The following SPAG16 variants were observed in gnomAD, a reference collection of about 807,000 sequenced individuals.
The protein encoded by SPAG16 is sperm associated antigen 16.
Under a neutral mutation model 80.4 loss-of-function variants are expected in SPAG16, and 86 were observed. That is an observed-to-expected ratio of 1.07 (90% CI 0.90 to 1.28). The LOEUF is 1.28. Ranked by LOEUF, SPAG16 falls within the 50% of genes most tolerant of loss-of-function variation. The pLI, the probability that SPAG16 is intolerant of heterozygous loss-of-function variation, is 0.00. For missense variants in SPAG16, 870 were observed against 765.3 expected (o/e 1.14, Z -1.61); for synonymous variants, 294 against 265.9 (o/e 1.11, Z -1.03).
At chr2:214,143,950 A>G (rs1300360298) in intron 14 of SPAG16, among the ~76,000 whole-genome samples, 2 of 152,050 alleles carry the variant, frequency 1.3e-5, no homozygotes, top group African/African-American at 4.8e-5. Context: ...ATGAGGCCAC[A>G]GGTTTGAGAC....
chr2:213,505,026 C>T (rs527578229), intron 10 of SPAG16, among the ~76,000 whole-genome samples: 3 of 152,224 alleles, frequency 2.0e-5, no homozygotes, highest in South Asian at 2.1e-4. Context: ...TATTTTGGTT[C>T]GAGGAAGAGC....
chr2:213,526,137 A>G (rs1273820639), intron 10 of SPAG16, among the ~76,000 whole-genome samples: 1 of 152,110 alleles, frequency 6.6e-6, no homozygotes, highest in Non-Finnish European at 1.5e-5. Context: ...TATTGCTTAA[A>G]TCATCACACA....
chr2:214,198,334 G>A (rs756234290), intron 15 of SPAG16, among the ~76,000 whole-genome samples: 6 of 152,130 alleles, frequency 3.9e-5, no homozygotes, highest in Middle Eastern at 3.4e-3. Context: ...TCACTTACAA[G>A]TGAGATTATA....
intron 13 of SPAG16, among the ~76,000 whole-genome samples, chr2:214,106,879 A>G (rs1576223045): frequency 6.6e-6 from 1 of 152,138 alleles, no homozygotes. Context: ...CATTTGCTCT[A>G]GTTTTTCTTC....
At chr2:214,155,304 TG>T (rs1179226204) in intron 15 of SPAG16, among the ~76,000 whole-genome samples, 1 of 152,166 alleles carries the variant, frequency 6.6e-6, no homozygotes, top group Admixed American at 6.6e-5. Flanking sequence ...CCAACAAGAA[TG>T]GGAAAACCTT....
chr2:213,939,664 T>A (rs2079121356), intron 12 of SPAG16, among the ~76,000 whole-genome samples: 1 of 152,186 alleles, frequency 6.6e-6, no homozygotes. Flanking sequence ...GGTTTTCACA[T>A]GAAAAGAAAA....
At chr2:213,580,441 C>T (rs1056231536) in intron 10 of SPAG16, among the ~76,000 whole-genome samples, 12 of 152,002 alleles carry the variant, frequency 7.9e-5, no homozygotes, top group African/African-American at 2.4e-4. Flanking sequence ...TACCTATGAG[C>T]AAATAAAAGA....
At chr2:213,766,521 G>C (rs958137286) in intron 10 of SPAG16, among the ~76,000 whole-genome samples, 2 of 152,182 alleles carry the variant, frequency 1.3e-5, no homozygotes, top group South Asian at 4.1e-4. Context: ...GCCACAAGTC[G>C]AAAATGAAAG....
At chr2:213,497,323 G>A (rs996246817) in intron 10 of SPAG16, among the ~76,000 whole-genome samples, 6 of 151,794 alleles carry the variant, frequency 4.0e-5, no homozygotes, top group Non-Finnish European at 5.9e-5. Context: ...TTCAATTTTC[G>A]ATTTATTTCA....
At chr2:213,396,425 A>G (rs1274189329) in intron 9 of SPAG16, among the ~76,000 whole-genome samples, 1 of 152,222 alleles carries the variant, frequency 6.6e-6, no homozygotes, top group Non-Finnish European at 1.5e-5. Context: ...TTTGTTAAAT[A>G]TAATTCTAAG....
intron 9 of SPAG16, among the ~76,000 whole-genome samples, chr2:213,435,223 A>G (rs2070553070): frequency 6.6e-6 from 1 of 152,206 alleles, no homozygotes; most frequent in South Asian, 2.1e-4. Flanking sequence ...CATTAAAAGG[A>G]TATGATGTCA....
chr2:213,516,332 A>C (rs1210413484), intron 10 of SPAG16, among the ~76,000 whole-genome samples: 1 of 152,172 alleles, frequency 6.6e-6, no homozygotes, highest in South Asian at 2.1e-4. Flanking sequence ...TCCCTTCAAT[A>C]AGTGCCCATA....
At chr2:213,907,191 C>G (rs1488797333) in intron 11 of SPAG16, among the ~76,000 whole-genome samples, 1 of 152,028 alleles carries the variant, frequency 6.6e-6, no homozygotes, top group Non-Finnish European at 1.5e-5. Flanking sequence ...ACAAAACCTA[C>G]AAGCAATCCC....
intron 14 of SPAG16, among the ~76,000 whole-genome samples, chr2:214,130,736 T>A (rs2054725012): frequency 6.6e-6 from 1 of 152,162 alleles, no homozygotes; most frequent in African/African-American, 2.4e-5. Flanking sequence ...CATACATGAA[T>A]ATCTGAAATA....
intron 10 of SPAG16, among the ~76,000 whole-genome samples, chr2:213,639,095 C>A (rs2062486161): frequency 6.6e-6 from 1 of 152,184 alleles, no homozygotes; most frequent in Non-Finnish European, 1.5e-5. Flanking sequence ...CATACAATAT[C>A]TTTCTTCCAT....
At chr2:213,401,883 A>G (rs996032072) in intron 9 of SPAG16, among the ~76,000 whole-genome samples, 2 of 152,224 alleles carry the variant, frequency 1.3e-5, no homozygotes, top group Non-Finnish European at 2.9e-5. Flanking sequence ...TTTGCTCTGA[A>G]AAAATTTAGC....
At chr2:213,792,406 A>G (rs528896271) in intron 10 of SPAG16, among the ~76,000 whole-genome samples, 1 of 152,136 alleles carries the variant, frequency 6.6e-6, no homozygotes, top group Admixed American at 6.5e-5. Flanking sequence ...AAAATTTTCA[A>G]CTTACATTTG....
chr2:213,866,973 A>T (rs2075714086), intron 11 of SPAG16, among the ~76,000 whole-genome samples: 1 of 150,864 alleles, frequency 6.6e-6, no homozygotes, highest in African/African-American at 2.4e-5. Context: ...GAAGGCATTT[A>T]AAAATTGCAA....
chr2:213,390,497 A>G (rs1209675803), intron 9 of SPAG16, among the ~76,000 whole-genome samples: 1 of 152,238 alleles, frequency 6.6e-6, no homozygotes, highest in African/African-American at 2.4e-5. Flanking sequence ...ACATTGCAGT[A>G]TGTACAACAA....
Sources: allele counts gnomAD v4.1 joint callset (sites outside exome capture counted in the v4.1 genomes callset), GRCh38; gene constraint gnomAD v4.1.1; transcripts MANE v1.5; gene names NCBI Gene and HGNC (gene_info 2026-07-23, HGNC 2026-07-21).